ARSK: variants seen among roughly 807,000 people sequenced by gnomAD.
ARSK encodes the protein arylsulfatase K.
Under a neutral mutation model 53.2 loss-of-function variants are expected in ARSK, and 37 were observed. The ratio of observed to expected loss-of-function variants is 0.70; its 90% CI spans 0.54 to 0.92. The LOEUF (loss-of-function observed/expected upper bound fraction) is 0.92. ARSK is among the 40% of genes least tolerant of loss of function. ARSK has a pLI of 0.00. For synonymous variants in ARSK, 208 were observed against 223.2 expected, an observed-to-expected ratio of 0.93 and a Z score of 0.61; for missense variants, 613 against 643.0, an observed-to-expected ratio of 0.95 and a Z score of 0.51.
Position 95,583,201 on chromosome 5 carries a change from AAGT to A in ARSK, c.699+5_699+7del. On this transcript the variant is annotated splice_donor_5th_base_variant and intron_variant, in intron 4 of 7. Coordinates refer to ENST00000380009, the MANE Select transcript of ARSK (RefSeq NM_198150.3). The stretch of plus-strand genomic sequence containing the variant: ...CATCTCTTTATTGGCTTGAAAAAGT[AAGT>A]AACTACATTGTGTGTGCTCAAAAGT... The A allele has an allele frequency of 6.5e-7, 1 of 1,550,162 alleles. No homozygotes were observed. Among genetic ancestry groups the A allele is most frequent in the Non-Finnish European group, 8.8e-7 (1 of 1,142,648 alleles).
chr5:95,568,933 C>G (rs1422206619), intron 3 of ARSK, among the ~76,000 whole-genome samples: 1 of 152,206 alleles, frequency 6.6e-6, no homozygotes, highest in Admixed American at 6.5e-5. Flanking sequence ...TGAGCAGAAA[C>G]AACACTTCAC....
At chr5:95,578,727 C>T (rs1748971610) in intron 3 of ARSK, among the ~76,000 whole-genome samples, 2 of 152,124 alleles carry the variant, frequency 1.3e-5, no homozygotes, top group Admixed American at 1.3e-4. Context: ...GCTCCTACTT[C>T]ATGTGGAAAG....
At position 95,586,552 on chromosome 5, in the gene ARSK, C is replaced by A; in HGVS notation, c.700-10C>A. On this transcript the variant is annotated splice_polypyrimidine_tract_variant and intron_variant, in intron 4 of 7. Transcript: ENST00000380009. ...TGCTAGCATAACTAAGTTTTTTCTC[C>A]CCTTTTTAGGTGTCTCATGATGCCA... is the stretch of plus-strand genomic sequence containing the variant. The A allele has an allele frequency of 6.3e-7, 1 of 1,597,856 alleles. No individual in the cohort carries two copies. Among genetic ancestry groups the A allele is most frequent in the Non-Finnish European group, 8.5e-7 (1 of 1,175,066 alleles).
At position 95,555,804 on chromosome 5, in the gene ARSK, A is replaced by G. The variant is rs1748489975; in HGVS notation, c.126+400A>G. On this transcript the variant is annotated intron_variant, in intron 1 of 7. Coordinates refer to ENST00000380009, the MANE Select transcript of ARSK (RefSeq NM_198150.3). The surrounding 1 kb of genome is among the most constrained non-coding windows in gnomAD (Gnocchi z 4.0). ...ATTTTCCAGTTCACCTCAAGTTTGC[A>G]GGAATTCATGTTTGGGTGAGAAGTG... 6.6e-6 allele frequency among the ~76,000 whole-genome samples: 1 copy of G among 152,236 alleles called. No homozygotes were observed. Among genetic ancestry groups the G allele is most frequent in the African/African-American group, 2.4e-5 (1 of 41,456 alleles).
chr5:95,583,317 C>T (rs1749053793), intron 4 of ARSK, 119 bp downstream of exon 4: 1 of 903,448 alleles, frequency 1.1e-6, no homozygotes, highest in African/African-American at 1.7e-5. Flanking sequence ...TATATTCAAA[C>T]TTGACCAATA....
At chr5:95,584,682 TCAAA>T (rs1484384359) in intron 4 of ARSK, among the ~76,000 whole-genome samples, 26 of 151,176 alleles carry the variant, frequency 1.7e-4, no homozygotes, top group Admixed American at 9.2e-4. Context: ...TACAAGAAAC[TCAAA>T]CAGAGTAGCA....
intron 7 of ARSK, 52 bp downstream of exon 7, chr5:95,601,123 C>T (rs781397169): frequency 7.0e-7 from 1 of 1,434,368 alleles, no homozygotes; most frequent in Non-Finnish European, 9.8e-7. Flanking sequence ...ATGAACTGCC[C>T]TATGTAGCAT....
chr5:95,601,365 C>T (rs1471970085), intron 7 of ARSK, among the ~76,000 whole-genome samples: 2 of 152,204 alleles, frequency 1.3e-5, no homozygotes, highest in African/African-American at 4.8e-5. Flanking sequence ...TTGAAGTCAA[C>T]ACCTCATTGT....
chr5:95,593,846 C>A (rs549257278), intron 6 of ARSK, among the ~76,000 whole-genome samples: 3 of 152,086 alleles, frequency 2.0e-5, no homozygotes, highest in Non-Finnish European at 2.9e-5. Flanking sequence ...TTATAATTCT[C>A]TAAAACTATA....
intron 3 of ARSK, among the ~76,000 whole-genome samples, chr5:95,576,656 G>A (rs1006927263): frequency 1.3e-5 from 2 of 151,802 alleles, no homozygotes; most frequent in Non-Finnish European, 1.5e-5. Flanking sequence ...AGGCCAAGGC[G>A]GGTGGATCAC....
At chr5:95,571,122 T>C (rs1381122500) in intron 3 of ARSK, among the ~76,000 whole-genome samples, 1 of 152,256 alleles carries the variant, frequency 6.6e-6, no homozygotes, top group Non-Finnish European at 1.5e-5. Context: ...TGCTAGTTAC[T>C]TTATGGAGTT....
intron 4 of ARSK, among the ~76,000 whole-genome samples, chr5:95,585,862 A>G (rs935606227): frequency 6.6e-6 from 1 of 152,208 alleles, no homozygotes; most frequent in Non-Finnish European, 1.5e-5. Context: ...AGTCCATCCT[A>G]TTTTAAAGAA....
intron 3 of ARSK, among the ~76,000 whole-genome samples, chr5:95,571,292 A>G (rs1243277911): frequency 6.6e-6 from 1 of 152,246 alleles, no homozygotes; most frequent in Non-Finnish European, 1.5e-5. Context: ...GACCTGACTT[A>G]TATTCCGCAG....
intron 3 of ARSK, among the ~76,000 whole-genome samples, chr5:95,579,949 G>A (rs77379569): frequency 0.047 from 7,092 of 152,220 alleles, 230 homozygotes; most frequent in Non-Finnish European, 0.069. Flanking sequence ...AGGTAATAAC[G>A]TCTTACTGTT....
At chr5:95,590,086 A>T (rs1749186433) in intron 5 of ARSK, among the ~76,000 whole-genome samples, 3 of 152,210 alleles carry the variant, frequency 2.0e-5, no homozygotes, top group Non-Finnish European at 4.4e-5. Flanking sequence ...GACTACAGTA[A>T]TATGCAAGTT....
At chr5:95,567,106 G>A (rs1245225081) in intron 2 of ARSK, among the ~76,000 whole-genome samples, 1 of 152,138 alleles carries the variant, frequency 6.6e-6, no homozygotes, top group Non-Finnish European at 1.5e-5. Flanking sequence ...TGTGTATACT[G>A]TGTACCTCAC....
chr5:95,581,881 T>A (rs1181458423), intron 3 of ARSK, among the ~76,000 whole-genome samples: 1 of 152,172 alleles, frequency 6.6e-6, no homozygotes, highest in East Asian at 1.9e-4. Flanking sequence ...ATGGTTTTTT[T>A]ATTTTTATCA....
chr5:95,567,742 G>A, intron 2 of ARSK, 148 bp from the exon 3 acceptor site: 3 of 659,850 alleles, frequency 4.5e-6, no homozygotes, highest in Non-Finnish European at 4.9e-6. Context: ...GTAACAATCA[G>A]AAATGTTTGG....
At chr5:95,573,966 T>C (rs913464028) in intron 3 of ARSK, among the ~76,000 whole-genome samples, 8 of 152,162 alleles carry the variant, frequency 5.3e-5, no homozygotes, top group African/African-American at 1.7e-4. Flanking sequence ...TCTTATCCTT[T>C]CCATTTTTTT....
Sources: gnomAD v4.1 joint callset for allele counts (sites outside exome capture counted in the v4.1 genomes callset) on GRCh38, gnomAD v4.1.1 for gene constraint, Gnocchi (gnomAD v3.1) non-coding constraint, MANE v1.5 for transcripts, NCBI Gene and HGNC (gene_info 2026-07-23, HGNC 2026-07-21) for gene names.